The following SLC35F3 variants were observed in gnomAD, a reference collection of about 807,000 sequenced individuals.
The protein encoded by SLC35F3 is putative thiamine transporter SLC35F3.
Under a neutral mutation model 49.9 loss-of-function variants are expected in SLC35F3, and 25 were observed. The ratio of observed to expected loss-of-function variants is 0.50; its 90% CI spans 0.37 to 0.70. The LOEUF (loss-of-function observed/expected upper bound fraction) is 0.70. Among genes scored for constraint, SLC35F3 ranks in the 30% least tolerant of loss-of-function variants. The pLI is 0.00. For synonymous variants in SLC35F3, 275 were observed against 265.4 expected, an observed-to-expected ratio of 1.04 and a Z score of -0.35; for missense variants, 525 against 639.8, an observed-to-expected ratio of 0.82 and a Z score of 1.94.
At chr1:234,034,650 A>G (rs1254296969) in intron 2 of SLC35F3, among the ~76,000 whole-genome samples, 1 of 151,834 alleles carries the variant, frequency 6.6e-6, no homozygotes, top group Non-Finnish European at 1.5e-5. Flanking sequence ...CCTCCCAAGT[A>G]GCTGGGATTA....
chr1:234,126,981 G>C (rs1326018458), intron 2 of SLC35F3, among the ~76,000 whole-genome samples: 1 of 152,198 alleles, frequency 6.6e-6, no homozygotes, highest in Non-Finnish European at 1.5e-5. Flanking sequence ...ACAGGCATGA[G>C]CCACCCCACC....
chr1:234,208,135 C>G (rs905641537), intron 2 of SLC35F3, among the ~76,000 whole-genome samples: 1 of 152,240 alleles, frequency 6.6e-6, no homozygotes, highest in Non-Finnish European at 1.5e-5. Context: ...AGGTTGGCTG[C>G]TTCTTCCTGG....
At chr1:234,201,004 A>G (rs551439856) in intron 2 of SLC35F3, among the ~76,000 whole-genome samples, 2 of 152,358 alleles carry the variant, frequency 1.3e-5, no homozygotes, top group South Asian at 4.1e-4. Context: ...TCTACCTCAG[A>G]AAGTCTATGC....
intron 2 of SLC35F3, among the ~76,000 whole-genome samples, chr1:233,973,182 A>G (rs1663023011): frequency 6.6e-6 from 1 of 152,212 alleles, no homozygotes; most frequent in Non-Finnish European, 1.5e-5. Context: ...AGAGTCGAGA[A>G]TAATATATTT....
chr1:233,930,471 A>G (rs1236649610), intron 2 of SLC35F3, among the ~76,000 whole-genome samples: 5 of 152,232 alleles, frequency 3.3e-5, no homozygotes, highest in Non-Finnish European at 7.3e-5. Flanking sequence ...ATTTATTCAT[A>G]CGACCCTTAT....
intron 2 of SLC35F3, among the ~76,000 whole-genome samples, chr1:234,066,232 C>T (rs928781267): frequency 3.3e-5 from 5 of 152,304 alleles, no homozygotes; most frequent in African/African-American, 1.2e-4. Context: ...GTTGCTCAAG[C>T]CTTTTGTCAG....
intron 2 of SLC35F3, among the ~76,000 whole-genome samples, chr1:233,937,111 A>G (rs1205225209): frequency 2.6e-5 from 4 of 152,172 alleles, no homozygotes; most frequent in African/African-American, 9.7e-5. Flanking sequence ...AACACTTGGC[A>G]CCAGCATCAA....
chr1:234,317,889 A>C (rs1199335766), intron 5 of SLC35F3, among the ~76,000 whole-genome samples: 1 of 152,236 alleles, frequency 6.6e-6, no homozygotes, highest in Non-Finnish European at 1.5e-5. Context: ...CAATATTCTG[A>C]TTCAGATTCC....
intron 2 of SLC35F3, among the ~76,000 whole-genome samples, chr1:234,209,960 G>A (rs1005445092): frequency 2.0e-5 from 3 of 152,260 alleles, no homozygotes; most frequent in African/African-American, 2.4e-5. Flanking sequence ...GAGCACTTAC[G>A]ATATGGTTTG....
intron 2 of SLC35F3, among the ~76,000 whole-genome samples, chr1:234,215,783 C>T (rs1040282882): frequency 6.6e-6 from 1 of 152,170 alleles, no homozygotes; most frequent in African/African-American, 2.4e-5. Context: ...CTGCAGCTGC[C>T]CTAGTACTGT....
At chr1:234,127,318 T>C (rs1665664451) in intron 2 of SLC35F3, among the ~76,000 whole-genome samples, 1 of 152,252 alleles carries the variant, frequency 6.6e-6, no homozygotes, top group East Asian at 1.9e-4. Context: ...GAAGTACTCT[T>C]GCATTCATTA....
rs79686061 is a variant in SLC35F3 at position 234,275,982 on chromosome 1, G to A, written c.609-33119G>A. 4.1e-3 allele frequency among the ~76,000 whole-genome samples: 629 copies of A among 152,062 alleles called. 4 individuals carry two copies. The highest frequency in any genetic ancestry group is 0.014 in the African/African-American group (600 of 41,470). ...TTCATCCTTTGCGCAACACAACACA[G>A]CTATGAAATGAAAGAGTCAGAAGAT... is the stretch of plus-strand genomic sequence containing the variant. On this transcript the variant is annotated intron_variant, in intron 3 of 7. Coordinates refer to ENST00000366618, the MANE Select transcript of SLC35F3 (RefSeq NM_173508.4).
chr1:234,182,066 T>C (rs2102924124), intron 2 of SLC35F3, among the ~76,000 whole-genome samples: 1 of 152,258 alleles, frequency 6.6e-6, no homozygotes, highest in East Asian at 1.9e-4. Context: ...TTTTCCTTTT[T>C]TTAACTGATT....
At chr1:234,237,723 T>C (rs1376703346) in intron 3 of SLC35F3, among the ~76,000 whole-genome samples, 1 of 152,224 alleles carries the variant, frequency 6.6e-6, no homozygotes, top group Non-Finnish European at 1.5e-5. Context: ...CACAAAATCT[T>C]TCCAGCACCT....
At chr1:234,077,212 G>A (rs1010984770) in intron 2 of SLC35F3, among the ~76,000 whole-genome samples, 1 of 151,262 alleles carries the variant, frequency 6.6e-6, no homozygotes, top group African/African-American at 2.4e-5. Flanking sequence ...CACCTTGTTA[G>A]CCAGGATGGT....
At chr1:234,261,705 C>T (rs1407851566) in intron 3 of SLC35F3, 1 of 152,124 alleles carries the variant, frequency 6.6e-6, no homozygotes, top group Non-Finnish European at 1.5e-5. Flanking sequence ...TCTCATTTTA[C>T]CCACACTCTA....
chr1:234,207,973 C>A (rs1462012178), intron 2 of SLC35F3, among the ~76,000 whole-genome samples: 1 of 152,154 alleles, frequency 6.6e-6, no homozygotes, highest in African/African-American at 2.4e-5. Flanking sequence ...CACATCATGG[C>A]ACTGCAGCCT....
chr1:233,963,673 C>A (rs1662847008), intron 2 of SLC35F3, among the ~76,000 whole-genome samples: 1 of 152,154 alleles, frequency 6.6e-6, no homozygotes, highest in African/African-American at 2.4e-5. Flanking sequence ...GGGGTGAGGG[C>A]AGAGTTCCAC....
At chr1:234,111,589 G>A (rs1180738039) in intron 2 of SLC35F3, among the ~76,000 whole-genome samples, 4 of 152,166 alleles carry the variant, frequency 2.6e-5, no homozygotes, top group Non-Finnish European at 4.4e-5. Flanking sequence ...CGCTGCGCCC[G>A]GTTGTCCTCT....
Sources: gnomAD v4.1 joint callset for allele counts (sites outside exome capture counted in the v4.1 genomes callset) on GRCh38, gnomAD v4.1.1 for gene constraint, MANE v1.5 for transcripts, NCBI Gene and HGNC (gene_info 2026-07-23, HGNC 2026-07-21) for gene names.